RELL1: variants seen among roughly 807,000 people sequenced by gnomAD.
RELL1 encodes RELT like 1.
In RELL1, 10 loss-of-function variants were observed where a neutral mutation model predicts 23.0. That is an observed-to-expected ratio of 0.43 (90% CI 0.27 to 0.74). The LOEUF (loss-of-function observed/expected upper bound fraction) is 0.74. RELL1 is among the 30% of genes least tolerant of loss of function. The probability of loss-of-function intolerance (pLI) is 0.19; values close to 1 mark genes in which losing one functional copy is unlikely to be tolerated. For missense variants in RELL1, 315 were observed against 364.4 expected (o/e 0.86, Z 1.10); for synonymous variants, 146 against 146.8 (o/e 0.99, Z 0.04).
At chr4:37,623,709 C>A (rs1260460784) in intron 6 of RELL1, among the ~76,000 whole-genome samples, 1 of 151,954 alleles carries the variant, frequency 6.6e-6, no homozygotes, top group South Asian at 2.1e-4. Context: ...CACAGGAGTA[C>A]GGCAGGCATC....
In RELL1 at chr4:37,686,167, C is replaced by T. The variant is rs1577618367; in HGVS notation, c.88+33G>A. ...TCCGCGCTCCCGGGACCGGGCTCAG[C>T]ACCCGGCGCCCCGGCTACGACCGGA... On this transcript the variant is annotated intron_variant, in intron 1 of 6. Coordinates refer to ENST00000454158, the MANE Select transcript of RELL1 (RefSeq NM_001085400.2). 5 of 1,539,872 alleles carry T rather than the reference C, an allele frequency of 3.2e-6. No individual in the cohort carries two copies. In the East Asian group the frequency reaches 9.8e-5, roughly 30 times the overall value.
chr4:37,659,652 T>G (rs1935543010), intron 1 of RELL1, among the ~76,000 whole-genome samples: 1 of 152,178 alleles, frequency 6.6e-6, no homozygotes, highest in Non-Finnish European at 1.5e-5. Context: ...GGCCTCAGTT[T>G]CCTCATCTGA....
intron 1 of RELL1, among the ~76,000 whole-genome samples, chr4:37,657,030 A>C (rs1270802423): frequency 6.6e-6 from 1 of 152,232 alleles, no homozygotes; most frequent in Non-Finnish European, 1.5e-5. Context: ...ATCAGGCCAC[A>C]CAGAAATTCC....
chr4:37,594,475 T>A (rs970785573), intron 6 of RELL1, among the ~76,000 whole-genome samples: 5 of 152,254 alleles, frequency 3.3e-5, no homozygotes, highest in Non-Finnish European at 7.3e-5. Context: ...ATATTTACCA[T>A]GTTAAATCCT....
intron 1 of RELL1, among the ~76,000 whole-genome samples, chr4:37,661,144 C>T (rs1721341178): frequency 6.6e-6 from 1 of 152,066 alleles, no homozygotes; most frequent in African/African-American, 2.4e-5. Flanking sequence ...CCTAGTTATA[C>T]CTACTAGGTG....
intron 1 of RELL1, among the ~76,000 whole-genome samples, chr4:37,654,777 G>A (rs967528489): frequency 6.6e-6 from 1 of 152,136 alleles, no homozygotes; most frequent in Non-Finnish European, 1.5e-5. Context: ...GAAATTTTTT[G>A]TGAAGATACA....
At chr4:37,607,533 G>A (rs539929940), downstream of RELL1, among the ~76,000 whole-genome samples, 4 of 151,424 alleles carry the variant, frequency 2.6e-5, no homozygotes, top group South Asian at 8.4e-4. Context: ...TACGTGTGTG[G>A]CAACCCTGCA....
intron 6 of RELL1, among the ~76,000 whole-genome samples, chr4:37,602,522 G>A (rs1011291813): frequency 6.6e-6 from 1 of 151,906 alleles, no homozygotes; most frequent in Admixed American, 6.5e-5. Context: ...GGCTCAACTC[G>A]ACTCAGACAA....
chr4:37,668,522 A>G (rs868054470), intron 1 of RELL1, among the ~76,000 whole-genome samples: 309 of 151,852 alleles, frequency 2.0e-3, no homozygotes, highest in African/African-American at 7.0e-3. Flanking sequence ...TCAGTGCTCA[A>G]TGGTGCCCAG....
chr4:37,678,529 C>T (rs1317831977), intron 1 of RELL1, among the ~76,000 whole-genome samples: 1 of 152,206 alleles, frequency 6.6e-6, no homozygotes, highest in Non-Finnish European at 1.5e-5. Context: ...CTCAAAGCCC[C>T]CTCTGCCCTT....
At chr4:37,640,639 T>C (rs1261740073) in intron 3 of RELL1, among the ~76,000 whole-genome samples, 1 of 152,230 alleles carries the variant, frequency 6.6e-6, no homozygotes, top group Non-Finnish European at 1.5e-5. Context: ...AGGTTACTTA[T>C]AATACCTAAT....
intron 6 of RELL1, among the ~76,000 whole-genome samples, chr4:37,597,026 G>A (rs1003502048): frequency 6.6e-6 from 1 of 151,752 alleles, no homozygotes; most frequent in Non-Finnish European, 1.5e-5. Context: ...GGGATTACAG[G>A]CGTGAGTCAC....
At chr4:37,669,233 G>T (rs1721689915) in intron 1 of RELL1, among the ~76,000 whole-genome samples, 1 of 139,032 alleles carries the variant, frequency 7.2e-6, no homozygotes, top group Non-Finnish European at 1.5e-5. Context: ...CGGGAGGGAG[G>T]TGGGGGTCAG....
At chr4:37,603,605 C>A (rs904305401) in intron 6 of RELL1, among the ~76,000 whole-genome samples, 1 of 152,206 alleles carries the variant, frequency 6.6e-6, no homozygotes, top group African/African-American at 2.4e-5. Flanking sequence ...AAGGGTTCCC[C>A]GCCTTTTGGG....
At chr4:37,668,561 C>G (rs1468500142) in intron 1 of RELL1, among the ~76,000 whole-genome samples, 4 of 152,018 alleles carry the variant, frequency 2.6e-5, no homozygotes, top group Admixed American at 1.3e-4. Context: ...GATCTCGGCT[C>G]GCTACAACAT....
intron 6 of RELL1, among the ~76,000 whole-genome samples, chr4:37,629,590 T>C (rs1720055780): frequency 6.6e-6 from 1 of 152,172 alleles, no homozygotes; most frequent in Non-Finnish European, 1.5e-5. Context: ...GGTAGACTTT[T>C]CTGTACTGTT....
chr4:37,589,051 C>T, downstream of RELL1: 2 of 557,152 alleles, frequency 3.6e-6, no homozygotes, highest in Non-Finnish European at 6.3e-6. Context: ...GTTATAATAT[C>T]ATTTAAAAGA....
chr4:37,617,151 T>C (rs1719602730), intron 6 of RELL1, among the ~76,000 whole-genome samples: 1 of 152,208 alleles, frequency 6.6e-6, no homozygotes, highest in Non-Finnish European at 1.5e-5. Context: ...AGAACCTGCT[T>C]TAGAATCGGC....
chr4:37,686,213 C>G lies in RELL1; in HGVS notation c.75G>C (p.Pro25=), dbSNP rs1171500400. The G allele has an allele frequency of 6.3e-7, 1 of 1,580,222 alleles. No homozygotes were observed. The highest frequency in any genetic ancestry group is 1.7e-5 in the Admixed American group (1 of 58,520). ...AVFVGGAVSS[P]LVAPDNGSSR... is the part of the protein sequence containing the mutation. ...CCGGACACTCACCCGGAGCCACCAG[C>G]GGCGAACTCACGGCGCCTCCCACGA... Residue 25 remains proline (P), a synonymous_variant, in exon 1 of 7, where the codon CCG becomes CCC. Transcript: ENST00000454158.
Sources: gnomAD v4.1 joint callset for allele counts (sites outside exome capture counted in the v4.1 genomes callset) on GRCh38, gnomAD v4.1.1 for gene constraint, MANE v1.5 for transcripts, NCBI Gene and HGNC (gene_info 2026-07-23, HGNC 2026-07-21) for gene names.